CLHC1: variants seen among roughly 807,000 people sequenced by gnomAD.
The protein encoded by CLHC1 is clathrin heavy chain linker domain containing 1, also known as clathrin heavy chain linker domain-containing protein 1.
CLHC1 carries 72 observed loss-of-function variants against 69.5 expected under a neutral mutation model. The observed-to-expected ratio is 1.04, with a 90% CI of 0.86 to 1.26. The LOEUF (loss-of-function observed/expected upper bound fraction) is 1.26, where lower values mean the gene tolerates loss of function less well. Ranked by LOEUF, CLHC1 falls within the 50% of genes most tolerant of loss-of-function variation. The probability of loss-of-function intolerance (pLI) is 0.00; values close to 1 mark genes in which losing one functional copy is unlikely to be tolerated. For missense variants in CLHC1, 790 were observed against 679.3 expected (o/e 1.16, Z -1.81); for synonymous variants, 223 against 224.3 (o/e 0.99, Z 0.05).
intron 9 of CLHC1, among the ~76,000 whole-genome samples, chr2:55,185,172 C>T (rs1264197636): frequency 6.6e-6 from 1 of 152,020 alleles, no homozygotes; most frequent in Non-Finnish European, 1.5e-5. Flanking sequence ...GCATAGCAGA[C>T]GCAGAGCCTT....
chr2:55,223,335 AATG>A (rs1458036916), intron 2 of CLHC1, among the ~76,000 whole-genome samples: 1 of 152,184 alleles, frequency 6.6e-6, no homozygotes, highest in Non-Finnish European at 1.5e-5. Context: ...TCCATCCCTC[AATG>A]ATGTCAAAAG....
At chr2:55,230,625 G>A (rs1219918093) in intron 1 of CLHC1, among the ~76,000 whole-genome samples, 4 of 152,194 alleles carry the variant, frequency 2.6e-5, no homozygotes, top group Non-Finnish European at 5.9e-5. Flanking sequence ...AGGTCTTGCA[G>A]ATCAAGAGGA....
intron 11 of CLHC1, 61 bp downstream of exon 11, chr2:55,180,449 G>A: frequency 8.2e-7 from 1 of 1,224,714 alleles, no homozygotes; most frequent in South Asian, 1.2e-5. Context: ...GCTATTATGG[G>A]TAATCTTACA....
chr2:55,229,490 A>C (rs1246280920), intron 1 of CLHC1, among the ~76,000 whole-genome samples: 1 of 152,150 alleles, frequency 6.6e-6, no homozygotes, highest in Non-Finnish European at 1.5e-5. Flanking sequence ...AGAATGAGAA[A>C]GGGAGAGAAG....
chr2:55,198,144 C>T (rs1428788329), intron 9 of CLHC1, among the ~76,000 whole-genome samples: 1 of 151,960 alleles, frequency 6.6e-6, no homozygotes, highest in Non-Finnish European at 1.5e-5. Flanking sequence ...TGAAAATATA[C>T]AGTGAGAGGA....
chr2:55,203,447 T>C (rs1672149923), intron 9 of CLHC1, among the ~76,000 whole-genome samples: 2 of 152,046 alleles, frequency 1.3e-5, no homozygotes, highest in South Asian at 4.1e-4. Context: ...AGCACGGTAA[T>C]GGAATAAAAA....
At chr2:55,182,862 G>T (rs568909357) in intron 9 of CLHC1, among the ~76,000 whole-genome samples, 6 of 151,988 alleles carry the variant, frequency 3.9e-5, no homozygotes, top group Non-Finnish European at 7.4e-5. Context: ...AGAGTCTTTG[G>T]GGGTACACAC....
At chr2:55,191,555 G>A (rs1000257356) in intron 9 of CLHC1, among the ~76,000 whole-genome samples, 1 of 152,098 alleles carries the variant, frequency 6.6e-6, no homozygotes, top group Non-Finnish European at 1.5e-5. Flanking sequence ...TGTACACAAA[G>A]AAATGAAGAA....
At chr2:55,212,348 G>C (rs72916779) in intron 5 of CLHC1, among the ~76,000 whole-genome samples, 1,670 of 152,272 alleles carry the variant, frequency 0.011, 33 homozygotes, top group African/African-American at 0.038. Context: ...CTGAGTTTCT[G>C]ACACAGTTAA....
rs755951708 is a variant in CLHC1 at position 55,177,806 on chromosome 2, A to C, written c.1385-25T>G. ...TCTGAAGGCAAAAATGAAAAAGTTTATCTCAATGTCCTAATATCATAAATC... is the reference window on the plus strand; with the variant it reads ...TCTGAAGGCAAAAATGAAAAAGTTTCTCTCAATGTCCTAATATCATAAATC... On this transcript the variant is annotated intron_variant, in intron 11 of 12. Transcript: ENST00000401408. The C allele has an allele frequency of 2.6e-6, 4 of 1,548,000 alleles. No homozygotes were observed. The Admixed American group carries it at 5.3e-5, about 21-fold the overall frequency.
chr2:55,208,941 G>A (rs934283656), intron 7 of CLHC1, among the ~76,000 whole-genome samples: 1 of 143,292 alleles, frequency 7.0e-6, no homozygotes, highest in Admixed American at 7.5e-5. Context: ...CCCTATCTTG[G>A]CTCACTGCAA....
chr2:55,221,962 G>T (rs1410159756), intron 3 of CLHC1, among the ~76,000 whole-genome samples: 1 of 152,200 alleles, frequency 6.6e-6, no homozygotes, highest in Non-Finnish European at 1.5e-5. Flanking sequence ...GGGTGATACA[G>T]TGAGACTCTC....
At chr2:55,219,990 C>T (rs529343149) in intron 3 of CLHC1, among the ~76,000 whole-genome samples, 3 of 152,288 alleles carry the variant, frequency 2.0e-5, no homozygotes, top group African/African-American at 7.2e-5. Context: ...CCTACCAATC[C>T]TCCCAAAGTT....
intron 9 of CLHC1, among the ~76,000 whole-genome samples, chr2:55,186,930 A>G (rs1054727224): frequency 1.3e-5 from 2 of 152,100 alleles, no homozygotes; most frequent in African/African-American, 2.4e-5. Context: ...TGGAGAAAGT[A>G]CAGACTTTAC....
intron 2 of CLHC1, 72 bp from the exon 3 acceptor site, chr2:55,222,565 AT>A (rs910352567): frequency 2.3e-4 from 134 of 574,612 alleles, no homozygotes; most frequent in South Asian, 1.6e-3. Context: ...CTAAAAATGT[AT>A]TTTTTTTAGA....
Position 55,180,603 on chromosome 2 carries a change from C to T in CLHC1, c.1291G>A (p.Gly431Ser). 1 of 1,613,950 alleles carries T rather than the reference C, an allele frequency of 6.2e-7. No homozygotes were observed. Among genetic ancestry groups the T allele is most frequent in the Non-Finnish European group, 8.5e-7 (1 of 1,179,902 alleles). Residue 431 changes from glycine (G) to serine (S), a missense_variant, in exon 11 of 13, where the codon GGC becomes AGC. Physicochemically the swap from Gly to Ser is moderately conservative, Grantham distance 56 (BLOSUM62 0). Transcript: ENST00000401408. ...ALAQIVYSEC[G>S]LHKKAILCLC... ...CAAAGAATAGCTTTCTTGTGCAGGC[C>T]ACATTCACTGTAGACAATCTGAGCT...
chr2:55,181,667 GA>G lies in CLHC1; in HGVS notation c.1083del (p.Pro362HisfsTer8). 1 of 1,613,692 alleles carries G rather than the reference GA, an allele frequency of 6.2e-7. No homozygotes were observed. Among genetic ancestry groups the G allele is most frequent in the Non-Finnish European group, 8.5e-7 (1 of 1,179,712 alleles). ...FEALFITSHA[F>X]PCPVDAALTL... Reference sequence around the variant, plus strand: ...GTTAGAGCTGCATCAACAGGACATGGAAAAGCATGACTTGTGATAAAGAGGG... The same window carrying G: ...GTTAGAGCTGCATCAACAGGACATGGAAAGCATGACTTGTGATAAAGAGGG... On this transcript the variant is annotated frameshift_variant, in exon 10 of 13. Coordinates refer to ENST00000401408, the MANE Select transcript of CLHC1 (RefSeq NM_152385.4). LOFTEE classifies it high-confidence loss of function.
intron 8 of CLHC1, among the ~76,000 whole-genome samples, chr2:55,207,278 A>C (rs184566299): frequency 4.6e-5 from 7 of 152,314 alleles, no homozygotes; most frequent in African/African-American, 7.2e-5. Context: ...TCCTATGGCA[A>C]AAGGTCTTCA....
At chr2:55,195,445 G>T (rs1482478967) in intron 9 of CLHC1, among the ~76,000 whole-genome samples, 1 of 152,180 alleles carries the variant, frequency 6.6e-6, no homozygotes, top group East Asian at 1.9e-4. Context: ...ATCCAGGAAG[G>T]CAGAGCAAGA....
Sources: allele counts gnomAD v4.1 joint callset (sites outside exome capture counted in the v4.1 genomes callset), GRCh38; gene constraint gnomAD v4.1.1; transcripts MANE v1.5; gene names NCBI Gene and HGNC (gene_info 2026-07-23, HGNC 2026-07-21).